CRACD: variants seen among roughly 807,000 people sequenced by gnomAD.
The protein encoded by CRACD is capping protein inhibiting regulator of actin dynamics.
CRACD carries 56 observed loss-of-function variants against 106.8 expected under a neutral mutation model. That is an observed-to-expected ratio of 0.52 (90% CI 0.42 to 0.66). The LOEUF is 0.66. Ranked by LOEUF, CRACD falls within the 30% of genes least tolerant of loss-of-function variation. The pLI, the probability that CRACD is intolerant of heterozygous loss-of-function variation, is 0.00. For synonymous variants in CRACD, 754 were observed against 670.8 expected, an observed-to-expected ratio of 1.12 and a Z score of -1.92; for missense variants, 1,730 against 1,623.2, an observed-to-expected ratio of 1.07 and a Z score of -1.13.
At chr4:56,311,508 T>A (rs1330200358) in intron 6 of CRACD, 1 of 152,224 alleles carries the variant, frequency 6.6e-6, no homozygotes, top group Non-Finnish European at 1.5e-5. Context: ...TTCTCATGCA[T>A]CTATTAGGGG....
chr4:56,298,435 AG>A, intron 4 of CRACD, 86 bp downstream of exon 4: 1 of 1,528,444 alleles, frequency 6.5e-7, no homozygotes, highest in Non-Finnish European at 8.9e-7. Flanking sequence ...CTTGGCCTTG[AG>A]TAATGGATTG....
At chr4:56,148,486 G>T (rs984820523) in intron 1 of CRACD, among the ~76,000 whole-genome samples, 2 of 151,972 alleles carry the variant, frequency 1.3e-5, no homozygotes, top group Non-Finnish European at 2.9e-5. Flanking sequence ...TGGAGATGGG[G>T]TCTCACTATG....
At chr4:56,262,378 G>A (rs897612813) in intron 2 of CRACD, among the ~76,000 whole-genome samples, 1 of 152,206 alleles carries the variant, frequency 6.6e-6, no homozygotes, top group South Asian at 2.1e-4. Flanking sequence ...GTTCAGCTGG[G>A]TGCGGTGTTC....
chr4:56,131,184 A>G (rs998064), intron 1 of CRACD, among the ~76,000 whole-genome samples: 43,711 of 152,044 alleles, frequency 0.29, 6,548 homozygotes, highest in East Asian at 0.45. Flanking sequence ...TTGAGCTACA[A>G]CGTGGTATAA....
intron 1 of CRACD, among the ~76,000 whole-genome samples, chr4:56,106,749 G>C (rs960349796): frequency 1.3e-5 from 2 of 152,172 alleles, no homozygotes; most frequent in Non-Finnish European, 2.9e-5. Context: ...GTACAAGAAC[G>C]TGAGGCTATT....
At chr4:56,270,783 G>A (rs1234083862) in intron 2 of CRACD, among the ~76,000 whole-genome samples, 4 of 152,028 alleles carry the variant, frequency 2.6e-5, no homozygotes, top group African/African-American at 9.7e-5. Context: ...CATAGTAAGG[G>A]TTAAAACATG....
At chr4:56,222,289 G>C (rs1253289654) in intron 2 of CRACD, among the ~76,000 whole-genome samples, 1 of 152,204 alleles carries the variant, frequency 6.6e-6, no homozygotes, top group Non-Finnish European at 1.5e-5. Flanking sequence ...AATAACACAG[G>C]AATGGAAAGT....
At chr4:56,220,625 T>A (rs527676921) in intron 2 of CRACD, among the ~76,000 whole-genome samples, 172 of 152,272 alleles carry the variant, frequency 1.1e-3, no homozygotes, top group African/African-American at 4.0e-3. Context: ...GCTTTTGATT[T>A]TTTTTTTTTG....
At chr4:56,305,142 G>A (rs1203918188) in intron 4 of CRACD, among the ~76,000 whole-genome samples, 1 of 152,124 alleles carries the variant, frequency 6.6e-6, no homozygotes, top group African/African-American at 2.4e-5. Context: ...GATCACTTGA[G>A]CCCAGGACAT....
chr4:56,296,687 G>C (rs1389588396), intron 3 of CRACD, among the ~76,000 whole-genome samples: 1 of 152,160 alleles, frequency 6.6e-6, no homozygotes, highest in Non-Finnish European at 1.5e-5. Flanking sequence ...AGGGGAAGGA[G>C]GAGGTTGTGC....
intron 1 of CRACD, among the ~76,000 whole-genome samples, chr4:56,075,542 A>T (rs1476682720): frequency 1.3e-5 from 2 of 152,050 alleles, no homozygotes; most frequent in Non-Finnish European, 2.9e-5. Flanking sequence ...TATCCCCTTC[A>T]TCATTTTTTA....
At chr4:56,074,850 G>A (rs1357230784) in intron 1 of CRACD, among the ~76,000 whole-genome samples, 9 of 152,102 alleles carry the variant, frequency 5.9e-5, no homozygotes, top group Admixed American at 2.0e-4. Context: ...ATTATTTTGA[G>A]ATACGTTCCA....
At chr4:56,296,869 T>C (rs879098824) in intron 3 of CRACD, among the ~76,000 whole-genome samples, 1 of 152,112 alleles carries the variant, frequency 6.6e-6, no homozygotes, top group Non-Finnish European at 1.5e-5. Flanking sequence ...ACTGCTATCT[T>C]ACTCGCTTAC....
intron 2 of CRACD, among the ~76,000 whole-genome samples, chr4:56,242,627 G>A (rs1740433192): frequency 6.6e-6 from 1 of 152,116 alleles, no homozygotes; most frequent in African/African-American, 2.4e-5. Context: ...AAAGACGTCG[G>A]GGGCCACAGG....
At chr4:56,160,028 G>A (rs533091576) in intron 1 of CRACD, among the ~76,000 whole-genome samples, 63 of 152,058 alleles carry the variant, frequency 4.1e-4, no homozygotes, top group African/African-American at 1.2e-3. Context: ...TAATTCGCCC[G>A]CCTCGGCTTC....
chr4:56,292,073 T>G (rs1053645311), intron 3 of CRACD, among the ~76,000 whole-genome samples: 1 of 152,232 alleles, frequency 6.6e-6, no homozygotes, highest in Non-Finnish European at 1.5e-5. Flanking sequence ...AAGGCCAGGC[T>G]GATGCGGTCT....
chr4:56,205,098 A>G (rs933928145), intron 2 of CRACD, among the ~76,000 whole-genome samples: 12 of 152,152 alleles, frequency 7.9e-5, no homozygotes, highest in Admixed American at 2.6e-4. Context: ...TGAAGCTGCA[A>G]TGAGCTATGA....
intron 3 of CRACD, among the ~76,000 whole-genome samples, chr4:56,278,491 A>G (rs1454546015): frequency 2.6e-5 from 4 of 152,216 alleles, no homozygotes; most frequent in Non-Finnish European, 4.4e-5. Flanking sequence ...TTTACATCAT[A>G]TACAAAAATT....
chr4:56,069,110 G>T (rs1482880050), intron 1 of CRACD, among the ~76,000 whole-genome samples: 1 of 152,142 alleles, frequency 6.6e-6, no homozygotes, highest in Non-Finnish European at 1.5e-5. Context: ...AAGAGGCAAG[G>T]AAGGGTCCTC....
Sources: gnomAD v4.1 joint callset for allele counts (sites outside exome capture counted in the v4.1 genomes callset) on GRCh38, gnomAD v4.1.1 for gene constraint, MANE v1.5 for transcripts, NCBI Gene and HGNC (gene_info 2026-07-23, HGNC 2026-07-21) for gene names.